The following DNAH11 variants were observed in gnomAD, a reference collection of about 807,000 sequenced individuals.
DNAH11 encodes axonemal beta dynein heavy chain 11.
In DNAH11, 442 loss-of-function variants were observed where a neutral mutation model predicts 526.0. That is an observed-to-expected ratio of 0.84 (90% CI 0.78 to 0.91). DNAH11 has a LOEUF of 0.91. Ranked by LOEUF, DNAH11 falls within the 40% of genes least tolerant of loss-of-function variation. The pLI is 0.00. For missense variants in DNAH11, 6,989 were observed against 5,448.7 expected (o/e 1.28, Z -8.90); for synonymous variants, 2,461 against 1,935.9 (o/e 1.27, Z -7.12).
intron 28 of DNAH11, among the ~76,000 whole-genome samples, chr7:21,641,172 C>T (rs1052796055): frequency 2.0e-5 from 3 of 152,194 alleles, no homozygotes; most frequent in African/African-American, 7.2e-5. Context: ...ACAAGGGGCA[C>T]ATCAAAGATT....
chr7:21,709,011 A>T (rs1784368849), intron 40 of DNAH11, among the ~76,000 whole-genome samples: 1 of 152,208 alleles, frequency 6.6e-6, no homozygotes, highest in Non-Finnish European at 1.5e-5. Flanking sequence ...TATGGAAATT[A>T]GTTTGGAGAT....
intron 25 of DNAH11, among the ~76,000 whole-genome samples, chr7:21,635,489 C>T (rs1786818459): frequency 6.6e-6 from 1 of 152,020 alleles, no homozygotes; most frequent in African/African-American, 2.4e-5. Flanking sequence ...CATACCTATA[C>T]AATCTTGGCA....
intron 58 of DNAH11, among the ~76,000 whole-genome samples, chr7:21,785,154 G>T (rs1182703802): frequency 6.6e-6 from 1 of 152,176 alleles, no homozygotes; most frequent in Admixed American, 6.5e-5. Context: ...TCTTCTGCCA[G>T]ACCTCTGGGG....
chr7:21,698,152 G>A lies in DNAH11; in HGVS notation c.6119G>A (p.Arg2040His), dbSNP rs751779702. 1.4e-5 allele frequency: 23 copies of A among 1,613,494 alleles called. No individual in the cohort carries two copies. In the East Asian group the frequency reaches 1.6e-4, roughly 11 times the overall value. ...GTTGCTGAAGGTTTTGTGGATGCGC[G>A]TGCATTAGCCCGAAAGTTCATTACG... ...LLVAEGFVDA[R>H]ALARKFITLY... Residue 2040 changes from arginine to histidine, a missense_variant, in exon 36 of 82, where the codon CGT becomes CAT. Transcript: ENST00000409508.
At chr7:21,815,866 G>A (rs1394111975) in intron 63 of DNAH11, among the ~76,000 whole-genome samples, 3 of 151,322 alleles carry the variant, frequency 2.0e-5, no homozygotes, top group African/African-American at 4.9e-5. Context: ...CTCCCTCCTC[G>A]ATTGCCCCTC....
intron 65 of DNAH11, among the ~76,000 whole-genome samples, chr7:21,830,481 C>T (rs1790505054): frequency 6.6e-6 from 1 of 152,138 alleles, no homozygotes; most frequent in Admixed American, 6.5e-5. Context: ...CGATCATATT[C>T]TCTCAGTACC....
chr7:21,868,334 G>A (rs996859863), intron 72 of DNAH11, among the ~76,000 whole-genome samples: 3 of 152,212 alleles, frequency 2.0e-5, no homozygotes, highest in Middle Eastern at 3.4e-3. Context: ...TAGAGCAAGT[G>A]TATTTGATTG....
intron 45 of DNAH11, among the ~76,000 whole-genome samples, chr7:21,726,471 CTT>C (rs34691664): frequency 3.3e-5 from 5 of 150,158 alleles, no homozygotes; most frequent in South Asian, 2.1e-4. Context: ...AAAAAAAAGT[CTT>C]TTTTTTTTCT....
chr7:21,880,186 T>A (rs1783863991), intron 74 of DNAH11, among the ~76,000 whole-genome samples: 1 of 152,108 alleles, frequency 6.6e-6, no homozygotes, highest in South Asian at 2.1e-4. Context: ...ACACAACACT[T>A]TAGCTGAAAT....
At chr7:21,831,639 C>T (rs1380787665) in intron 65 of DNAH11, among the ~76,000 whole-genome samples, 1 of 152,106 alleles carries the variant, frequency 6.6e-6, no homozygotes, top group African/African-American at 2.4e-5. Flanking sequence ...GAAAATAACA[C>T]CTATTCCCCA....
At chr7:21,897,108 T>C (rs79290345) in intron 79 of DNAH11, among the ~76,000 whole-genome samples, 4,059 of 152,228 alleles carry the variant, frequency 0.027, 101 homozygotes, top group African/African-American at 0.063. Flanking sequence ...TCCATAATTA[T>C]CAGTTCCAGG....
chr7:21,840,971 C>T lies in DNAH11; in HGVS notation c.10692-1573C>T, dbSNP rs1189221497. On this transcript the variant is annotated intron_variant, in intron 65 of 81. Transcript: ENST00000409508. ...CCAAGGCGGGTGGATCACCTGAGGT[C>T]AGTAGTTGGAGACCAGCCTGACCAG... Among the ~76,000 whole-genome samples the T allele has an allele frequency of 3.3e-5, 5 of 152,232 alleles. No individual in the cohort carries two copies. The East Asian group carries it at 5.8e-4, about 18-fold the overall frequency.
At chr7:21,820,067 ACT>A (rs1272753363) in intron 65 of DNAH11, among the ~76,000 whole-genome samples, 1 of 151,970 alleles carries the variant, frequency 6.6e-6, no homozygotes, top group Non-Finnish European at 1.5e-5. Context: ...GTGAATCTCA[ACT>A]CTCTATCATC....
intron 1 of DNAH11, among the ~76,000 whole-genome samples, chr7:21,544,494 C>T (rs1272083827): frequency 6.6e-6 from 1 of 152,074 alleles, no homozygotes; most frequent in East Asian, 1.9e-4. Context: ...CTAGTATTAC[C>T]TAAGTTAAAT....
At chr7:21,825,019 C>G (rs1790218145) in intron 65 of DNAH11, among the ~76,000 whole-genome samples, 1 of 152,104 alleles carries the variant, frequency 6.6e-6, no homozygotes. Flanking sequence ...TTACAGGCGC[C>G]TGCCACCAGG....
At chr7:21,578,471 C>A (rs989712810) in intron 8 of DNAH11, among the ~76,000 whole-genome samples, 1 of 152,236 alleles carries the variant, frequency 6.6e-6, no homozygotes, top group East Asian at 1.9e-4. Flanking sequence ...GTACAGCCCC[C>A]ACAACTGCTT....
chr7:21,619,125 C>T lies in DNAH11; in HGVS notation c.4280C>T (p.Thr1427Ile), dbSNP rs781415644. Residue 1427 changes from threonine to isoleucine, a missense_variant, in exon 24 of 82, where the codon ACA becomes ATA. Coordinates refer to ENST00000409508, the MANE Select transcript of DNAH11 (RefSeq NM_001277115.2). The stretch of plus-strand genomic sequence containing the variant: ...GTCAAGTTTTTAATAAATGAAGCCA[C>T]AACTTTGGCAGATTTGTTAGCACTG... ...IGVKFLINEA[T>I]TLADLLALRL... 8 of 1,613,604 alleles carry T rather than the reference C, an allele frequency of 5.0e-6. No homozygotes were observed. Among genetic ancestry groups the T allele is most frequent in the Non-Finnish European group, 6.8e-6 (8 of 1,179,692 alleles).
At chr7:21,581,537 T>A (rs916589710) in intron 8 of DNAH11, among the ~76,000 whole-genome samples, 1 of 152,226 alleles carries the variant, frequency 6.6e-6, no homozygotes, top group Non-Finnish European at 1.5e-5. Flanking sequence ...ATAGGTTCTT[T>A]TTTCTTTTCT....
intron 54 of DNAH11, among the ~76,000 whole-genome samples, chr7:21,761,708 G>T (rs10950871): frequency 0.3 from 45,444 of 151,912 alleles, 7,409 homozygotes; most frequent in East Asian, 0.46. Context: ...ACCCTCCCAG[G>T]CCCACTCACA....
Sources: gnomAD v4.1 joint callset for allele counts (sites outside exome capture counted in the v4.1 genomes callset) on GRCh38, gnomAD v4.1.1 for gene constraint, MANE v1.5 for transcripts, NCBI Gene and HGNC (gene_info 2026-07-23, HGNC 2026-07-21) for gene names.